The following CPVL variants were observed in gnomAD, a reference collection of about 807,000 sequenced individuals.
CPVL encodes the protein probable serine carboxypeptidase CPVL.
In CPVL, 51 loss-of-function variants were observed where a neutral mutation model predicts 63.7. The ratio of observed to expected loss-of-function variants is 0.80; its 90% CI spans 0.64 to 1.01. CPVL has a LOEUF of 1.01. Ranked by LOEUF, CPVL falls within the 50% of genes least tolerant of loss-of-function variation. The pLI, the probability that CPVL is intolerant of heterozygous loss-of-function variation, is 0.00. For synonymous variants in CPVL, 195 were observed against 206.0 expected (o/e 0.95, Z 0.46); for missense variants, 530 against 573.1 (o/e 0.92, Z 0.77).
intron 11 of CPVL, among the ~76,000 whole-genome samples, chr7:29,039,646 C>T (rs1788875454): frequency 6.6e-6 from 1 of 151,946 alleles, no homozygotes; most frequent in South Asian, 2.1e-4. Flanking sequence ...TAAACTTTAA[C>T]CATTTTTTGT....
At chr7:29,111,845 T>C (rs1050645818) in intron 3 of CPVL, among the ~76,000 whole-genome samples, 5 of 152,170 alleles carry the variant, frequency 3.3e-5, no homozygotes, top group African/African-American at 1.2e-4. Flanking sequence ...AAAATATAAA[T>C]AACACCCTCC....
intron 12 of CPVL, among the ~76,000 whole-genome samples, chr7:29,016,059 C>T (rs1446524570): frequency 6.6e-6 from 1 of 152,102 alleles, no homozygotes; most frequent in East Asian, 1.9e-4. Context: ...TAACTGTTCT[C>T]ACTCAAGAGT....
At chr7:29,063,966 TA>T (rs373756974) in intron 11 of CPVL, 94 bp downstream of exon 11, 131,534 of 650,818 alleles carry the variant, frequency 0.2, 58 homozygotes, top group East Asian at 0.28. Flanking sequence ...TCATAAAAGT[TA>T]AAAAAAAAAA....
chr7:29,191,170 G>T (rs1782847910), intron 1 of CPVL, among the ~76,000 whole-genome samples: 1 of 152,026 alleles, frequency 6.6e-6, no homozygotes, highest in African/African-American at 2.4e-5. Context: ...GGCCTCAAGG[G>T]ATCCTCCCAC....
Position 29,177,964 on chromosome 7 carries a change from C to A in CPVL, c.-11+3326G>T, listed in dbSNP as rs986412837. ...CACACAAAGTTCCCCCTCCCCAAGC[C>A]CTCACCATCACAGCAAGTGGCACCA... is the stretch of plus-strand genomic sequence containing the variant. On this transcript the variant is annotated intron_variant, in intron 5 of 16. Transcript: ENST00000409850. Among the ~76,000 whole-genome samples, 49 of 152,170 alleles carry A rather than the reference C, an allele frequency of 3.2e-4. 1 individual carries two copies. The highest frequency in any genetic ancestry group is 3.2e-3 in the Admixed American group (49 of 15,262).
intron 5 of CPVL, among the ~76,000 whole-genome samples, chr7:29,158,246 G>A (rs1050384687): frequency 3.3e-5 from 5 of 152,142 alleles, no homozygotes; most frequent in Admixed American, 2.6e-4. Flanking sequence ...AGTGTTCTTT[G>A]CCATTTGAAG....
chr7:29,138,565 G>A (rs942051140), intron 1 of CPVL, among the ~76,000 whole-genome samples: 4 of 152,162 alleles, frequency 2.6e-5, no homozygotes, highest in Non-Finnish European at 5.9e-5. Context: ...GGCTGGGTGG[G>A]TGGACAGTGG....
intron 11 of CPVL, among the ~76,000 whole-genome samples, chr7:29,045,418 G>A (rs1363806614): frequency 6.6e-6 from 1 of 152,150 alleles, no homozygotes; most frequent in East Asian, 1.9e-4. Context: ...CTATAATGTG[G>A]CAGTTGCTTA....
At chr7:29,109,654 G>C (rs886753303) in intron 3 of CPVL, among the ~76,000 whole-genome samples, 4 of 152,044 alleles carry the variant, frequency 2.6e-5, no homozygotes, top group African/African-American at 9.7e-5. Flanking sequence ...ACCCATCTGT[G>C]GGTACCGTTT....
intron 1 of CPVL, among the ~76,000 whole-genome samples, chr7:29,121,285 G>A (rs1440573062): frequency 1.3e-5 from 2 of 151,882 alleles, no homozygotes; most frequent in Non-Finnish European, 2.9e-5. Flanking sequence ...GATTTACAGT[G>A]TCAGTAATTT....
At chr7:29,180,220 A>T (rs928256700) in intron 5 of CPVL, among the ~76,000 whole-genome samples, 4 of 152,210 alleles carry the variant, frequency 2.6e-5, no homozygotes, top group Non-Finnish European at 5.9e-5. Flanking sequence ...TTAAAATGTG[A>T]TAACGTACCA....
intron 7 of CPVL, among the ~76,000 whole-genome samples, chr7:29,073,211 C>T (rs1398136353): frequency 6.6e-6 from 1 of 152,162 alleles, no homozygotes; most frequent in Non-Finnish European, 1.5e-5. Context: ...AATTCTGTTT[C>T]TCCCCTGCTC....
At chr7:29,145,282 T>A (rs963105887) in intron 1 of CPVL, among the ~76,000 whole-genome samples, 6 of 145,454 alleles carry the variant, frequency 4.1e-5, no homozygotes, top group Non-Finnish European at 7.6e-5. Flanking sequence ...GGAAAAAAAA[T>A]GAGTTGTACA....
rs775653828 is a variant in CPVL, at chr7:29,092,653, T to C, written c.512A>G (p.Asn171Ser). ...FTDDTHGYAVNEDDVARDLYS... is the reference protein window; with the variant it reads ...FTDDTHGYAVSEDDVARDLYS... ...TAAATCCCGTGCTACATCGTCCTCA[T>C]TGACTGCATATCCGTGGGTATCATC... The change falls in exon 6 of 13, where the codon AAT becomes AGT. Residue 171 changes from asparagine to serine, a missense_variant. Asn to Ser is a conservative substitution (Grantham distance 46). Transcript: ENST00000265394. 5.0e-6 allele frequency: 8 copies of C among 1,613,998 alleles called. No individual in the cohort carries two copies. Among genetic ancestry groups the C allele is most frequent in the Admixed American group, 1.7e-5 (1 of 60,020 alleles).
chr7:29,193,778 T>C (rs1234356344), intron 1 of CPVL: 1 of 152,264 alleles, frequency 6.6e-6, no homozygotes, highest in Non-Finnish European at 1.5e-5. Flanking sequence ...TTAAGTCTTT[T>C]GTGAGAATCT....
chr7:29,027,959 C>T (rs1787657844), intron 12 of CPVL, among the ~76,000 whole-genome samples: 1 of 151,730 alleles, frequency 6.6e-6, no homozygotes, highest in African/African-American at 2.4e-5. Flanking sequence ...GCATTTGTCA[C>T]AGAAATAAAA....
chr7:28,996,977 CG>C (rs1399662591), intron 12 of CPVL, among the ~76,000 whole-genome samples: 2 of 152,188 alleles, frequency 1.3e-5, no homozygotes, highest in Non-Finnish European at 2.9e-5. Flanking sequence ...CAGACACCTA[CG>C]TAACCCAAGC....
intron 5 of CPVL, among the ~76,000 whole-genome samples, chr7:29,173,390 A>G (rs1431662747): frequency 6.6e-6 from 1 of 152,106 alleles, no homozygotes. Flanking sequence ...AGGTGGTGCT[A>G]TTAATAATAC....
At chr7:29,034,103 C>T (rs1788286558) in intron 11 of CPVL, among the ~76,000 whole-genome samples, 2 of 151,994 alleles carry the variant, frequency 1.3e-5, no homozygotes, top group African/African-American at 2.4e-5. Flanking sequence ...GGTTACAATC[C>T]TTTTTTTAAA....
Sources: gnomAD v4.1 joint callset for allele counts (sites outside exome capture counted in the v4.1 genomes callset) on GRCh38, gnomAD v4.1.1 for gene constraint, MANE v1.5 for transcripts, NCBI Gene and HGNC (gene_info 2026-07-23, HGNC 2026-07-21) for gene names.